Variants in TENM1 observed in about 807,000 individuals in gnomAD.
The protein encoded by TENM1 is teneurin-1.
Under a neutral mutation model 174.8 loss-of-function variants are expected in TENM1, and 35 were observed. The ratio of observed to expected loss-of-function variants is 0.20; its 90% CI spans 0.15 to 0.27. The LOEUF is 0.27. Ranked by LOEUF, TENM1 falls within the 10% of genes least tolerant of loss-of-function variation. The pLI, the probability that TENM1 is intolerant of heterozygous loss-of-function variation, is 1.00. For missense variants in TENM1, 1,633 were observed against 2,130.1 expected, an observed-to-expected ratio of 0.77 and a Z score of 4.59; for synonymous variants, 781 against 798.7, an observed-to-expected ratio of 0.98 and a Z score of 0.37.
At chrX:124,770,628 C>T (rs1276676246) in intron 3 of TENM1, among the ~76,000 whole-genome samples, 1 of 110,190 alleles carries the variant, frequency 9.1e-6, no homozygotes, top group East Asian at 2.9e-4. Flanking sequence ...AGGCTGGTCT[C>T]AAACTCCTAG....
rs770403543 is a variant in TENM1 at position 124,722,616 on chromosome X, G to A, written c.776+14341C>T. Among the ~76,000 whole-genome samples, 9 of 110,352 alleles carry A rather than the reference G, an allele frequency of 8.2e-5. No homozygotes were observed. In the South Asian group the frequency reaches 3.1e-3, roughly 39 times the overall value. ...AGCACTTTGGAAGGCCGAAGCGGGC[G>A]GATCACGAGGTCAGGAGATCGAGAC... On this transcript the variant is annotated intron_variant, in intron 4 of 31. Coordinates refer to ENST00000422452, the Ensembl canonical transcript of TENM1.
intron 3 of TENM1, among the ~76,000 whole-genome samples, chrX:124,753,032 T>C (rs1205765254): frequency 1.8e-5 from 2 of 111,022 alleles, no homozygotes; most frequent in African/African-American, 3.3e-5. Context: ...AAGAAAGTCA[T>C]TGGTAGCTTG....
chrX:124,710,332 GC>G (rs1318708661), intron 4 of TENM1, among the ~76,000 whole-genome samples: 1 of 111,819 alleles, frequency 8.9e-6, no homozygotes, highest in Non-Finnish European at 1.9e-5. Flanking sequence ...GAGAAACCCA[GC>G]AGAATGAGGT....
At chrX:124,590,975 T>TTATG (rs1159765822) in intron 11 of TENM1, among the ~76,000 whole-genome samples, 1 of 112,310 alleles carries the variant, frequency 8.9e-6, no homozygotes, top group African/African-American at 3.2e-5. Flanking sequence ...CCCTTTATCA[T>TTATG]TATGTAATGA....
chrX:124,942,426 G>A (rs745883546), intron 1 of TENM1, among the ~76,000 whole-genome samples: 35 of 111,757 alleles, frequency 3.1e-4, no homozygotes, highest in Admixed American at 6.6e-4. Flanking sequence ...AGTTCACCTT[G>A]AAGATTATGC....
At chrX:124,589,152 C>A (rs2049657001) in intron 11 of TENM1, among the ~76,000 whole-genome samples, 1 of 107,073 alleles carries the variant, frequency 9.3e-6, no homozygotes, top group African/African-American at 3.4e-5. Flanking sequence ...TTTTCCACAT[C>A]TATTGAGATG....
intron 11 of TENM1, among the ~76,000 whole-genome samples, chrX:124,584,732 CAG>C (rs1378041526): frequency 1.8e-5 from 2 of 111,457 alleles, no homozygotes; most frequent in Non-Finnish European, 3.8e-5. Flanking sequence ...TTAAAAGACA[CAG>C]ACTGGCAAAT....
At chrX:124,987,393 G>A in the TENM1 span, among the ~76,000 whole-genome samples, 1 of 111,073 alleles carries the variant, frequency 9.0e-6, no homozygotes, top group Non-Finnish European at 1.9e-5. Context: ...TTGAAAAATA[G>A]GAAAAATCTA....
intron 3 of TENM1, among the ~76,000 whole-genome samples, chrX:124,775,630 AG>A (rs1257239201): frequency 1.8e-5 from 2 of 112,048 alleles, no homozygotes; most frequent in African/African-American, 6.5e-5. Flanking sequence ...TATCATCGTG[AG>A]GACATGATGT....
intron 1 of TENM1, among the ~76,000 whole-genome samples, chrX:124,955,596 T>C (rs971227533): frequency 1.8e-5 from 2 of 111,339 alleles, no homozygotes; most frequent in East Asian, 2.8e-4. Flanking sequence ...TTATTTCTGA[T>C]TGTATGTATT....
chrX:124,774,067 C>T (rs2054723949), intron 3 of TENM1, among the ~76,000 whole-genome samples: 1 of 111,624 alleles, frequency 9.0e-6, no homozygotes, highest in African/African-American at 3.3e-5. Flanking sequence ...AAGATTAGGT[C>T]CCTAAGAATT....
intron 3 of TENM1, among the ~76,000 whole-genome samples, chrX:124,782,771 C>T (rs934976813): frequency 7.5e-4 from 83 of 110,724 alleles, no homozygotes; most frequent in African/African-American, 2.3e-3. Flanking sequence ...GATATTGCAT[C>T]CTATTCATCC....
the TENM1 span, among the ~76,000 whole-genome samples, chrX:125,156,544 T>C: frequency 8.9e-6 from 1 of 112,303 alleles, no homozygotes; most frequent in East Asian, 2.8e-4. Context: ...TTGCTTAGGA[T>C]AATGGCCTTC....
chrX:124,839,636 G>C (rs2056458488), intron 3 of TENM1, among the ~76,000 whole-genome samples: 1 of 111,787 alleles, frequency 8.9e-6, no homozygotes, highest in Admixed American at 9.5e-5. Context: ...CTGTTCTTCT[G>C]ATGAAAATGT....
At chrX:124,416,786 G>A (rs1474640939) in intron 25 of TENM1, among the ~76,000 whole-genome samples, 1 of 111,973 alleles carries the variant, frequency 8.9e-6, no homozygotes, top group Non-Finnish European at 1.9e-5. Flanking sequence ...CTGAACTGCC[G>A]ATGTGATAGT....
intron 3 of TENM1, among the ~76,000 whole-genome samples, chrX:124,852,809 G>T (rs1220896347): frequency 1.8e-5 from 2 of 111,465 alleles, no homozygotes; most frequent in African/African-American, 6.5e-5. Context: ...CCTTTCAAGG[G>T]TGGAATGAAG....
chrX:124,895,215 C>T (rs776854632), intron 2 of TENM1, among the ~76,000 whole-genome samples: 1 of 111,390 alleles, frequency 9.0e-6, no homozygotes, highest in African/African-American at 3.3e-5. Context: ...GCCTTGTGGT[C>T]ATGGTAATGG....
intron 23 of TENM1, among the ~76,000 whole-genome samples, chrX:124,423,441 C>T (rs780641309): frequency 3.8e-4 from 42 of 111,584 alleles, no homozygotes; most frequent in African/African-American, 4.6e-4. Context: ...GACTACGACA[C>T]GGCCTCTGTC....
chrX:125,097,570 AC>A, the TENM1 span, among the ~76,000 whole-genome samples: 14 of 112,412 alleles, frequency 1.2e-4, no homozygotes, highest in African/African-American at 4.5e-4. Flanking sequence ...TACATTTCTC[AC>A]AAATCAAAGC....
Sources: gnomAD v4.1 joint callset for allele counts (sites outside exome capture counted in the v4.1 genomes callset) on GRCh38, gnomAD v4.1.1 for gene constraint, MANE v1.5 for transcripts, NCBI Gene and HGNC (gene_info 2026-07-23, HGNC 2026-07-21) for gene names.